The following RNF217 variants were observed in gnomAD, a reference collection of about 807,000 sequenced individuals.
RNF217 encodes E3 ubiquitin-protein ligase RNF217.
In RNF217, 31 loss-of-function variants were observed where a neutral mutation model predicts 57.8. That is an observed-to-expected ratio of 0.54 (90% CI 0.40 to 0.72). The LOEUF (loss-of-function observed/expected upper bound fraction) is 0.72. Among genes scored for constraint, RNF217 ranks in the 30% least tolerant of loss-of-function variants. The pLI is 0.00. For missense variants in RNF217, 696 were observed against 708.3 expected (o/e 0.98, Z 0.20); for synonymous variants, 313 against 294.0 (o/e 1.06, Z -0.66).
intron 3 of RNF217, among the ~76,000 whole-genome samples, chr6:125,062,302 G>A (rs1787766307): frequency 6.6e-6 from 1 of 151,962 alleles, no homozygotes; most frequent in African/African-American, 2.4e-5. Context: ...TTTAATACAT[G>A]ATATAGTATT....
In RNF217 at chr6:125,069,383, C is replaced by T. The variant is rs1788057098; in HGVS notation, c.1282-7274C>T. 2.6e-5 allele frequency among the ~76,000 whole-genome samples: 4 copies of T among 152,034 alleles called. No homozygotes were observed. In the South Asian group the frequency reaches 8.3e-4, roughly 32 times the overall value. On this transcript the variant is annotated intron_variant, in intron 3 of 5. Transcript: ENST00000521654. ...ACCTCTAAATAGTAGTCTTTTACAC[C>T]TAGTCCTTGATATTTTCTATTGACT...
intron 1 of RNF217, among the ~76,000 whole-genome samples, chr6:124,976,565 G>A (rs959679406): frequency 2.7e-5 from 4 of 150,818 alleles, no homozygotes; most frequent in African/African-American, 9.8e-5. Context: ...ACCACGCTTG[G>A]CCTATTTATT....
chr6:125,074,693 T>C (rs1788298893), intron 3 of RNF217, among the ~76,000 whole-genome samples: 1 of 152,114 alleles, frequency 6.6e-6, no homozygotes, highest in Non-Finnish European at 1.5e-5. Context: ...ACCTCCATAA[T>C]CATTGACCAG....
chr6:124,965,139 T>C (rs1396850039), intron 1 of RNF217, among the ~76,000 whole-genome samples: 1 of 151,488 alleles, frequency 6.6e-6, no homozygotes, highest in Non-Finnish European at 1.5e-5. Flanking sequence ...CATAGTCAAG[T>C]GGTCATTGCA....
At position 125,083,850 on chromosome 6, in the gene RNF217, T is replaced by A. The variant is rs1788689583; in HGVS notation, c.*913T>A. On this transcript the variant is annotated 3_prime_UTR_variant, in exon 6 of 6. Coordinates refer to ENST00000521654, the MANE Select transcript of RNF217 (RefSeq NM_001286398.3). ...GACAAAACTGGCTGCTTTTAGGAAA[T>A]TCTCAAGACACAAATATTCAGTCTT... The A allele has an allele frequency of 6.6e-6, 1 of 152,126 alleles. No individual in the cohort carries two copies. Among genetic ancestry groups the A allele is most frequent in the African/African-American group, 2.4e-5 (1 of 41,444 alleles). The allele number at this position is 152,126 out of a possible 1,614,324, so 9.4% of individuals were successfully genotyped here.
rs539035607 is a variant in RNF217 at position 124,984,120 on chromosome 6, C to T, written c.882+20694C>T. 2.0e-5 allele frequency among the ~76,000 whole-genome samples: 3 copies of T among 152,300 alleles called. No homozygotes were observed. In the South Asian group the frequency reaches 6.2e-4, roughly 32 times the overall value. The stretch of plus-strand genomic sequence containing the variant: ...AATTTTAGGGAGAAGCAAACATTCA[C>T]ACCACAGCAATAAGTTAAATCATTT... On this transcript the variant is annotated intron_variant, in intron 1 of 5. Transcript: ENST00000521654.
chr6:125,068,650 T>A (rs1397399506), intron 3 of RNF217, among the ~76,000 whole-genome samples: 1 of 152,198 alleles, frequency 6.6e-6, no homozygotes, highest in Non-Finnish European at 1.5e-5. Flanking sequence ...ATACAGTTGG[T>A]TAATGTCTGT....
At chr6:125,043,957 CAA>C (rs1476449777) in intron 1 of RNF217, among the ~76,000 whole-genome samples, 4 of 152,034 alleles carry the variant, frequency 2.6e-5, no homozygotes, top group Non-Finnish European at 4.4e-5. Context: ...TTCTGGTATT[CAA>C]TATGTCACCC....
At chr6:125,007,719 CTAAT>C (rs1254367183) in intron 1 of RNF217, among the ~76,000 whole-genome samples, 1 of 152,108 alleles carries the variant, frequency 6.6e-6, no homozygotes, top group Non-Finnish European at 1.5e-5. Flanking sequence ...TGGGGGGAAA[CTAAT>C]TATTTTCCAC....
intron 1 of RNF217, among the ~76,000 whole-genome samples, chr6:125,010,164 C>T (rs1458128426): frequency 3.9e-5 from 6 of 151,924 alleles, no homozygotes; most frequent in Non-Finnish European, 7.4e-5. Context: ...TTACATTATG[C>T]TCGTTCAGTA....
chr6:124,971,598 G>A (rs1367676574), intron 1 of RNF217: 1 of 206,706 alleles, frequency 4.8e-6, no homozygotes. Flanking sequence ...TGGGACTACA[G>A]GTGCGTGCCA....
intron 3 of RNF217, among the ~76,000 whole-genome samples, chr6:125,072,504 A>T (rs531436097): frequency 6.6e-6 from 1 of 152,206 alleles, no homozygotes; most frequent in Non-Finnish European, 1.5e-5. Context: ...ATAAGGAAAG[A>T]CTGTTAAAAG....
At chr6:125,059,867 G>T (rs1157845804) in intron 3 of RNF217, among the ~76,000 whole-genome samples, 1 of 152,130 alleles carries the variant, frequency 6.6e-6, no homozygotes, top group Admixed American at 6.5e-5. Flanking sequence ...CTTTTAAATA[G>T]CTGAAAGGAA....
intron 4 of RNF217, 70 bp downstream of exon 4, chr6:125,076,928 G>A: frequency 7.4e-7 from 1 of 1,343,092 alleles, no homozygotes; most frequent in Non-Finnish European, 1.1e-6. Flanking sequence ...TTGGAAATGT[G>A]CAGCCATGGT....
intron 1 of RNF217, among the ~76,000 whole-genome samples, chr6:125,028,340 A>T (rs1786200134): frequency 6.6e-6 from 1 of 152,156 alleles, no homozygotes; most frequent in Admixed American, 6.5e-5. Context: ...GCACCTTTTC[A>T]TATGCCTGTT....
chr6:125,035,048 G>T (rs1392694961), intron 1 of RNF217, among the ~76,000 whole-genome samples: 6 of 152,138 alleles, frequency 3.9e-5, no homozygotes, highest in African/African-American at 1.2e-4. Flanking sequence ...CATTGATTTT[G>T]TATCCTGAGA....
chr6:125,057,891 G>A, intron 2 of RNF217, 51 bp from the exon 3 acceptor site: 1 of 1,454,562 alleles, frequency 6.9e-7, no homozygotes, highest in Non-Finnish European at 9.3e-7. Context: ...TATCCTTTTA[G>A]ACACTTTCAG....
At chr6:125,079,594 A>C (rs529189763) in intron 4 of RNF217, among the ~76,000 whole-genome samples, 1 of 152,292 alleles carries the variant, frequency 6.6e-6, no homozygotes, top group East Asian at 1.9e-4. Flanking sequence ...TTGATAAGAC[A>C]TCTGCTAACT....
Position 124,963,101 on chromosome 6 carries a change from C to A in RNF217, c.557C>A (p.Ala186Glu), listed in dbSNP as rs756783537. ...GCCTCGGAGCAGCTCTCGCCGCCCG[C>A]GTCGCCACCTGGGGCTCCGCCAGTG... ...APASEQLSPPASPPGAPPVLN... is the reference protein window; with the variant it reads ...APASEQLSPPESPPGAPPVLN... Residue 186 changes from alanine (A) to glutamate (E), a missense_variant, in exon 1 of 6, where the codon GCG (alanine) becomes GAG (glutamate). This residue lies in a region of RNF217 where 465 missense variants were observed against 386.8 expected (regional missense o/e 1.20). Transcript: ENST00000521654. The A allele has an allele frequency of 3.2e-5, 49 of 1,541,164 alleles. 2 individuals are homozygous for A. The South Asian group carries it at 5.8e-4, about 18-fold the overall frequency.
Sources: allele counts gnomAD v4.1 joint callset (sites outside exome capture counted in the v4.1 genomes callset), GRCh38; gene constraint gnomAD v4.1.1; regional missense constraint gnomAD v4.1.1; transcripts MANE v1.5; gene names NCBI Gene and HGNC (gene_info 2026-07-23, HGNC 2026-07-21).